Variants in DPYS observed in about 807,000 individuals in gnomAD.
DPYS encodes the protein dihydropyrimidinase.
In DPYS, 39 loss-of-function variants were observed where a neutral mutation model predicts 50.3. The observed-to-expected ratio is 0.78, with a 90% CI of 0.60 to 1.01. The LOEUF is 1.01. Ranked by LOEUF, DPYS falls within the 50% of genes least tolerant of loss-of-function variation. DPYS has a pLI of 0.00. For missense variants in DPYS, 659 were observed against 680.9 expected, an observed-to-expected ratio of 0.97 and a Z score of 0.36; for synonymous variants, 245 against 250.7, an observed-to-expected ratio of 0.98 and a Z score of 0.22.
chr8:104,428,077 G>T lies in DPYS; in HGVS notation c.995C>A (p.Thr332Asn). 2 of 1,614,224 alleles carry T rather than the reference G, an allele frequency of 1.2e-6. No individual in the cohort carries two copies. Among genetic ancestry groups the T allele is most frequent in the South Asian group, 1.1e-5 (1 of 91,086 alleles). The change falls in exon 6 of 10, where the codon ACC (threonine) becomes AAC (asparagine). Residue 332 changes from threonine to asparagine, a missense_variant. Coordinates refer to ENST00000351513, the MANE Select transcript of DPYS (RefSeq NM_001385.3). ...ATCCTTCCCAAGAGCTTTCTGGCAG[G>T]TGTTGAAAGTGCAGTTATCAGTCCC... Reference protein sequence around the residue: ...TTGTDNCTFNTCQKALGKDDF... With the variant: ...TTGTDNCTFNNCQKALGKDDF...
At chr8:104,463,974 C>T (rs1167058811) in intron 1 of DPYS, among the ~76,000 whole-genome samples, 2 of 152,148 alleles carry the variant, frequency 1.3e-5, no homozygotes, top group African/African-American at 4.8e-5. Context: ...GGAGTGGTTA[C>T]CTCTTGGGAT....
intron 7 of DPYS, among the ~76,000 whole-genome samples, chr8:104,413,509 T>G (rs977986538): frequency 6.6e-6 from 1 of 152,054 alleles, no homozygotes; most frequent in Non-Finnish European, 1.5e-5. Context: ...CTTTTGTTTA[T>G]ATTAAATATT....
intron 8 of DPYS, among the ~76,000 whole-genome samples, chr8:104,392,054 C>T (rs193094672): frequency 1.4e-4 from 22 of 152,158 alleles, no homozygotes; most frequent in African/African-American, 1.9e-4. Context: ...GAAATGGTGG[C>T]GAGGGCAAGA....
chr8:104,446,665 C>T (rs766066617), intron 3 of DPYS, among the ~76,000 whole-genome samples: 13 of 152,110 alleles, frequency 8.5e-5, no homozygotes, highest in Non-Finnish European at 1.5e-4. Context: ...TCTCATTATT[C>T]CTCTCTGCCT....
chr8:104,411,462 T>C (rs895513397), intron 7 of DPYS, among the ~76,000 whole-genome samples: 1 of 152,274 alleles, frequency 6.6e-6, no homozygotes, highest in Admixed American at 6.5e-5. Flanking sequence ...AACATTTCCC[T>C]TCTCTGGTGA....
intron 4 of DPYS, among the ~76,000 whole-genome samples, chr8:104,443,785 C>G (rs1813431534): frequency 1.3e-5 from 2 of 152,070 alleles, no homozygotes; most frequent in Admixed American, 1.3e-4. Flanking sequence ...TCCAGCTACT[C>G]AGGAGGCTGA....
intron 4 of DPYS, among the ~76,000 whole-genome samples, chr8:104,430,776 A>G (rs1459394390): frequency 6.6e-6 from 1 of 152,126 alleles, no homozygotes; most frequent in Non-Finnish European, 1.5e-5. Context: ...AAGCCTAAGA[A>G]CTTCAATTCT....
intron 7 of DPYS, among the ~76,000 whole-genome samples, chr8:104,406,610 GGTTGGGGTTCGACCTGGTCCTT>G (rs1345190854): frequency 7.2e-5 from 11 of 152,164 alleles, no homozygotes; most frequent in African/African-American, 2.7e-4. Flanking sequence ...TCCAGCTCAT[GGTTGGGGTTCGACCTGGTCCTT>G]GCTCTTCCCA....
chr8:104,389,289 C>A (rs556186699), intron 8 of DPYS, among the ~76,000 whole-genome samples: 2 of 152,302 alleles, frequency 1.3e-5, no homozygotes, highest in Non-Finnish European at 2.9e-5. Context: ...GAAATGAAAA[C>A]CAAAGCAAGG....
chr8:104,454,322 G>A (rs1234339003), intron 1 of DPYS, among the ~76,000 whole-genome samples: 2 of 152,170 alleles, frequency 1.3e-5, no homozygotes, highest in Non-Finnish European at 2.9e-5. Context: ...TGAGGCAGAG[G>A]TTGCGGTGAG....
chr8:104,427,719 T>A (rs1812781073), intron 6 of DPYS, among the ~76,000 whole-genome samples: 1 of 152,190 alleles, frequency 6.6e-6, no homozygotes, highest in Admixed American at 6.5e-5. Flanking sequence ...GCAATCTTAA[T>A]TCATCCTCTA....
intron 2 of DPYS, among the ~76,000 whole-genome samples, 184 bp downstream of exon 2, chr8:104,451,062 T>C (rs1053693645): frequency 2.6e-5 from 4 of 152,178 alleles, no homozygotes; most frequent in Admixed American, 6.5e-5. Flanking sequence ...ATTTAGTTTT[T>C]AAAATTGGTA....
chr8:104,438,932 A>G (rs1813247195), intron 4 of DPYS, among the ~76,000 whole-genome samples: 1 of 152,064 alleles, frequency 6.6e-6, no homozygotes, highest in African/African-American at 2.4e-5. Flanking sequence ...AGCCATGTAC[A>G]GTGGTGCATG....
At chr8:104,420,761 A>C (rs1190278260) in intron 7 of DPYS, 1 of 151,824 alleles carries the variant, frequency 6.6e-6, no homozygotes, top group Non-Finnish European at 1.5e-5. Context: ...CCAGCTTTTT[A>C]AAAGGATCTA....
intron 7 of DPYS, among the ~76,000 whole-genome samples, chr8:104,393,610 T>C (rs772541944): frequency 6.6e-6 from 1 of 152,234 alleles, no homozygotes; most frequent in African/African-American, 2.4e-5. Flanking sequence ...TCTCTTAGCA[T>C]ATTCTGTGTC....
At chr8:104,386,795 T>C (rs1375617341) in intron 8 of DPYS, among the ~76,000 whole-genome samples, 1 of 151,862 alleles carries the variant, frequency 6.6e-6, no homozygotes, top group Non-Finnish European at 1.5e-5. Flanking sequence ...TCACGGCTAA[T>C]TTTTGCATTT....
At chr8:104,432,036 A>T (rs774111586) in intron 4 of DPYS, among the ~76,000 whole-genome samples, 2 of 152,182 alleles carry the variant, frequency 1.3e-5, no homozygotes, top group African/African-American at 4.8e-5. Context: ...AGAGTGCTCT[A>T]TCTGTCTTCA....
In DPYS at chr8:104,411,865, T is replaced by G. The variant is rs1257405860; in HGVS notation, c.1235+12382A>C. The G allele has an allele frequency of 1.3e-5, 2 of 151,958 alleles. 1 individual carries two copies. Among genetic ancestry groups the G allele is most frequent in the Non-Finnish European group, 2.9e-5 (2 of 67,996 alleles). 9.4% of individuals were successfully genotyped at this position (151,958 alleles called of 1,614,324 possible). The stretch of plus-strand genomic sequence containing the variant: ...TTTACTGGACTAAAGGCAGGCATAG[T>G]GAACCAATGGAAAATTTTCTTCAGG... On this transcript the variant is annotated intron_variant, in intron 7 of 9. Coordinates refer to ENST00000351513, the MANE Select transcript of DPYS (RefSeq NM_001385.3).
chr8:104,389,049 G>A (rs1374345352), intron 8 of DPYS, among the ~76,000 whole-genome samples: 1 of 152,142 alleles, frequency 6.6e-6, no homozygotes, highest in Non-Finnish European at 1.5e-5. Flanking sequence ...ACCAAGTACT[G>A]GCAAAAAAGA....
Sources: allele counts gnomAD v4.1 joint callset (sites outside exome capture counted in the v4.1 genomes callset), GRCh38; gene constraint gnomAD v4.1.1; transcripts MANE v1.5; gene names NCBI Gene and HGNC (gene_info 2026-07-23, HGNC 2026-07-21).